Variants in GALNT13 observed in about 807,000 individuals in gnomAD.
GALNT13 encodes the protein polypeptide N-acetylgalactosaminyltransferase 13.
Under a neutral mutation model 64.2 loss-of-function variants are expected in GALNT13, and 28 were observed. The observed-to-expected ratio is 0.44, with a 90% CI of 0.32 to 0.60. GALNT13 has a LOEUF of 0.60. GALNT13 is among the 20% of genes least tolerant of loss of function. The pLI is 0.05. For synonymous variants in GALNT13, 214 were observed against 224.6 expected, an observed-to-expected ratio of 0.95 and a Z score of 0.42; for missense variants, 577 against 669.8, an observed-to-expected ratio of 0.86 and a Z score of 1.53.
chr2:153,439,431 G>C, the GALNT13 span, among the ~76,000 whole-genome samples: 1 of 152,182 alleles, frequency 6.6e-6, no homozygotes, highest in Non-Finnish European at 1.5e-5. Context: ...AGTCTACAGA[G>C]GCAGGCAGGC....
chr2:153,399,453 C>A, the GALNT13 span, among the ~76,000 whole-genome samples: 183 of 152,080 alleles, frequency 1.2e-3, 1 homozygote, highest in African/African-American at 4.2e-3. Flanking sequence ...TTTTCCAATT[C>A]TGTGAAGAAA....
At chr2:154,314,859 A>G (rs1372840827) in intron 9 of GALNT13, among the ~76,000 whole-genome samples, 1 of 152,044 alleles carries the variant, frequency 6.6e-6, no homozygotes, top group African/African-American at 2.4e-5. Context: ...CAAATATCCA[A>G]ACTATAGTAC....
chr2:153,721,861 G>C, the GALNT13 span, among the ~76,000 whole-genome samples: 1 of 151,412 alleles, frequency 6.6e-6, no homozygotes, highest in African/African-American at 2.5e-5. Context: ...AATAATCGGA[G>C]ACTTTAACAC....
chr2:154,226,225 C>G (rs933924127), intron 4 of GALNT13, among the ~76,000 whole-genome samples: 3 of 152,050 alleles, frequency 2.0e-5, no homozygotes, highest in African/African-American at 4.8e-5. Flanking sequence ...AATGATGTAA[C>G]TAGTGAGTGA....
At chr2:153,738,773 A>G in the GALNT13 span, among the ~76,000 whole-genome samples, 10 of 151,868 alleles carry the variant, frequency 6.6e-5, no homozygotes, top group Non-Finnish European at 1.3e-4. Flanking sequence ...TACTTCCTAT[A>G]CATGTTATAA....
chr2:153,800,317 A>G, the GALNT13 span, among the ~76,000 whole-genome samples: 1 of 152,102 alleles, frequency 6.6e-6, no homozygotes, highest in South Asian at 2.1e-4. Flanking sequence ...AAAAAATCCT[A>G]ATGATCATCT....
the GALNT13 span, among the ~76,000 whole-genome samples, chr2:153,273,340 G>A: frequency 7.3e-4 from 111 of 152,282 alleles, no homozygotes; most frequent in African/African-American, 2.5e-3. Flanking sequence ...TATATGAGGT[G>A]AAAGTAACCT....
At chr2:153,920,328 C>G (rs1009913601) in intron 2 of GALNT13, among the ~76,000 whole-genome samples, 4 of 151,894 alleles carry the variant, frequency 2.6e-5, no homozygotes, top group Non-Finnish European at 5.9e-5. Context: ...AAATAAGGCA[C>G]CTCACCTACA....
chr2:154,025,899 G>A (rs1417275324), intron 3 of GALNT13, among the ~76,000 whole-genome samples: 3 of 152,060 alleles, frequency 2.0e-5, no homozygotes, highest in Non-Finnish European at 4.4e-5. Context: ...ATGAGAGGAG[G>A]ATACATGTGA....
chr2:153,898,338 C>G (rs1012686406), intron 1 of GALNT13, among the ~76,000 whole-genome samples: 1 of 152,082 alleles, frequency 6.6e-6, no homozygotes, highest in Non-Finnish European at 1.5e-5. Flanking sequence ...CCTCAGAATG[C>G]CAGTCCATAT....
chr2:153,331,950 A>C, the GALNT13 span, among the ~76,000 whole-genome samples: 1 of 152,068 alleles, frequency 6.6e-6, no homozygotes, highest in Non-Finnish European at 1.5e-5. Flanking sequence ...AAATTTTTAT[A>C]GTTTGTGTGC....
intron 2 of GALNT13, among the ~76,000 whole-genome samples, chr2:153,922,693 A>G (rs1389352372): frequency 2.6e-5 from 4 of 152,070 alleles, no homozygotes; most frequent in African/African-American, 4.8e-5. Context: ...CCCCCAGTCC[A>G]CTATCATGTT....
At chr2:154,336,405 A>G (rs76842798) in intron 9 of GALNT13, among the ~76,000 whole-genome samples, 2,344 of 152,138 alleles carry the variant, frequency 0.015, 55 homozygotes, top group African/African-American at 0.053. Flanking sequence ...CACGTCAGAG[A>G]TATTCTTGGC....
the GALNT13 span, among the ~76,000 whole-genome samples, chr2:153,356,361 A>C: frequency 6.6e-6 from 1 of 152,202 alleles, no homozygotes; most frequent in African/African-American, 2.4e-5. Context: ...TTTCTGGAAA[A>C]GTCTTTGAAT....
At chr2:153,959,890 G>A (rs1288312798) in intron 3 of GALNT13, among the ~76,000 whole-genome samples, 2 of 152,104 alleles carry the variant, frequency 1.3e-5, no homozygotes, top group Non-Finnish European at 2.9e-5. Context: ...AACTGACAGG[G>A]CTGCCTGTCA....
At chr2:154,034,555 A>G (rs1415850413) in intron 3 of GALNT13, among the ~76,000 whole-genome samples, 1 of 141,160 alleles carries the variant, frequency 7.1e-6, no homozygotes, top group Non-Finnish European at 1.5e-5. Flanking sequence ...CGTCGTACTC[A>G]TTAAATAATT....
At chr2:153,402,120 G>A in the GALNT13 span, among the ~76,000 whole-genome samples, 9 of 131,904 alleles carry the variant, frequency 6.8e-5, no homozygotes, top group East Asian at 2.1e-4. Flanking sequence ...TAGGGCAGGC[G>A]TGGTGGTGAC....
At chr2:153,753,241 G>A in the GALNT13 span, among the ~76,000 whole-genome samples, 58 of 152,146 alleles carry the variant, frequency 3.8e-4, 1 homozygote, top group Non-Finnish European at 1.8e-4. Context: ...AGGATTGGTC[G>A]CTGGTGCTGT....
At chr2:153,097,582 A>G in the GALNT13 span, among the ~76,000 whole-genome samples, 1 of 152,222 alleles carries the variant, frequency 6.6e-6, no homozygotes, top group East Asian at 1.9e-4. Flanking sequence ...AACTTATTAT[A>G]AACAACATGA....
Sources: allele counts gnomAD v4.1 joint callset (sites outside exome capture counted in the v4.1 genomes callset), GRCh38; gene constraint gnomAD v4.1.1; transcripts MANE v1.5; gene names NCBI Gene and HGNC (gene_info 2026-07-23, HGNC 2026-07-21).